The following CTNNBL1 variants were observed in gnomAD, a reference collection of about 807,000 sequenced individuals.
CTNNBL1 encodes beta-catenin-like protein 1.
In CTNNBL1, 31 loss-of-function variants were observed where a neutral mutation model predicts 72.7. The observed-to-expected ratio is 0.43, with a 90% CI of 0.32 to 0.58. The LOEUF is 0.58. Among genes scored for constraint, CTNNBL1 ranks in the 20% least tolerant of loss-of-function variants. The probability of loss-of-function intolerance (pLI) is 0.08; values close to 1 mark genes in which losing one functional copy is unlikely to be tolerated. For synonymous variants in CTNNBL1, 240 were observed against 267.3 expected (o/e 0.90, Z 1.00); for missense variants, 534 against 725.1 (o/e 0.74, Z 3.03).
At chr20:37,709,070 G>A (rs1239241684) in intron 1 of CTNNBL1, among the ~76,000 whole-genome samples, 1 of 152,106 alleles carries the variant, frequency 6.6e-6, no homozygotes, top group African/African-American at 2.4e-5. Context: ...CTGGGAGGTG[G>A]AGGGTGCAGT....
rs898682857 is a variant in CTNNBL1 at position 37,731,530 on chromosome 20, C to T, written c.31-1349C>T. Among the ~76,000 whole-genome samples the T allele has an allele frequency of 6.6e-5, 10 of 152,304 alleles. No individual in the cohort carries two copies. The East Asian group carries it at 1.2e-3, about 18-fold the overall frequency. On this transcript the variant is annotated intron_variant, in intron 1 of 15. Coordinates refer to ENST00000361383, the MANE Select transcript of CTNNBL1 (RefSeq NM_030877.5). ...GATTACAGGTGTGAGCCACCGCACCCGGCCTTACTGAAACTTATACTCTTT... is the reference window on the plus strand; with the variant it reads ...GATTACAGGTGTGAGCCACCGCACCTGGCCTTACTGAAACTTATACTCTTT...
intron 10 of CTNNBL1, among the ~76,000 whole-genome samples, chr20:37,797,878 T>G (rs137924344): frequency 5.3e-5 from 8 of 152,326 alleles, no homozygotes; most frequent in African/African-American, 1.9e-4. Flanking sequence ...ACGCCTGTCT[T>G]TGCATGTGCT....
At chr20:37,704,307 G>A (rs183393480) in intron 1 of CTNNBL1, among the ~76,000 whole-genome samples, 1 of 152,336 alleles carries the variant, frequency 6.6e-6, no homozygotes, top group African/African-American at 2.4e-5. Context: ...GACACAAGCA[G>A]CTCTACTGCT....
At chr20:37,782,198 G>T (rs151125164) in intron 10 of CTNNBL1, among the ~76,000 whole-genome samples, 1 of 152,242 alleles carries the variant, frequency 6.6e-6, no homozygotes, top group Non-Finnish European at 1.5e-5. Context: ...AAGCTCAAAG[G>T]CTAGTGAGGG....
chr20:37,768,333 C>T (rs1359581494), intron 7 of CTNNBL1, among the ~76,000 whole-genome samples: 1 of 152,312 alleles, frequency 6.6e-6, no homozygotes, highest in South Asian at 2.1e-4. Flanking sequence ...TTCCACTTCT[C>T]AGAGGCAGTC....
intron 10 of CTNNBL1, among the ~76,000 whole-genome samples, chr20:37,790,329 T>C (rs563688812): frequency 1.3e-5 from 2 of 152,304 alleles, no homozygotes; most frequent in South Asian, 4.2e-4. Flanking sequence ...TGTCATCCTT[T>C]ACATTTTTTA....
chr20:37,768,494 A>T (rs988525190), intron 7 of CTNNBL1, among the ~76,000 whole-genome samples: 1 of 152,218 alleles, frequency 6.6e-6, no homozygotes, highest in Admixed American at 6.5e-5. Flanking sequence ...CACTATGCTG[A>T]TGTACCAAAA....
intron 13 of CTNNBL1, among the ~76,000 whole-genome samples, chr20:37,843,716 A>G (rs1324548131): frequency 6.6e-6 from 1 of 152,242 alleles, no homozygotes; most frequent in Non-Finnish European, 1.5e-5. Flanking sequence ...GAGGGAAAAC[A>G]TGAAGCTTGA....
intron 11 of CTNNBL1, among the ~76,000 whole-genome samples, chr20:37,810,303 G>C (rs950218405): frequency 6.6e-6 from 1 of 152,198 alleles, no homozygotes; most frequent in African/African-American, 2.4e-5. Flanking sequence ...ATCGTGTGCA[G>C]AGAGAAAACA....
intron 11 of CTNNBL1, among the ~76,000 whole-genome samples, chr20:37,810,593 C>T (rs1487741788): frequency 6.6e-6 from 1 of 152,122 alleles, no homozygotes; most frequent in African/African-American, 2.4e-5. Flanking sequence ...CCAGACTTCA[C>T]ACTATAATAA....
chr20:37,722,643 TA>T (rs1182133160), intron 1 of CTNNBL1, among the ~76,000 whole-genome samples: 1 of 152,196 alleles, frequency 6.6e-6, no homozygotes, highest in Non-Finnish European at 1.5e-5. Flanking sequence ...CTTAGCTTAC[TA>T]AAGTAAAGTT....
At chr20:37,742,078 C>T (rs530171193) in intron 3 of CTNNBL1, among the ~76,000 whole-genome samples, 2 of 152,106 alleles carry the variant, frequency 1.3e-5, no homozygotes, top group African/African-American at 4.8e-5. Flanking sequence ...GCAGCTTTGA[C>T]TCTTAAAATT....
intron 11 of CTNNBL1, among the ~76,000 whole-genome samples, chr20:37,805,738 A>G (rs1023808276): frequency 2.0e-5 from 3 of 152,110 alleles, no homozygotes; most frequent in East Asian, 1.9e-4. Flanking sequence ...GAAGCATGTC[A>G]TGAACCCGTA....
At chr20:37,802,372 T>G (rs2073830095) in intron 10 of CTNNBL1, among the ~76,000 whole-genome samples, 1 of 152,316 alleles carries the variant, frequency 6.6e-6, no homozygotes, top group East Asian at 1.9e-4. Context: ...TAGGGGGTGT[T>G]AAGAGTATGT....
chr20:37,854,061 T>G (rs1236269382), intron 13 of CTNNBL1, among the ~76,000 whole-genome samples: 1 of 152,250 alleles, frequency 6.6e-6, no homozygotes, highest in Non-Finnish European at 1.5e-5. Context: ...GATCTACATT[T>G]GAAAATTTCA....
intron 1 of CTNNBL1, chr20:37,727,523 T>C (rs1300119907): frequency 5.9e-6 from 1 of 168,164 alleles, no homozygotes; most frequent in African/African-American, 2.4e-5. Context: ...TAGAAGATTG[T>C]AAAAACCCTT....
intron 15 of CTNNBL1, among the ~76,000 whole-genome samples, chr20:37,871,386 G>A (rs374735661): frequency 2.6e-5 from 4 of 152,102 alleles, no homozygotes; most frequent in African/African-American, 7.2e-5. Flanking sequence ...GAGGCGGGGG[G>A]TCCAAGAGCA....
At chr20:37,723,659 A>C (rs539226145) in intron 1 of CTNNBL1, among the ~76,000 whole-genome samples, 1 of 152,346 alleles carries the variant, frequency 6.6e-6, no homozygotes, top group Admixed American at 6.5e-5. Context: ...AAATATGATG[A>C]TGATAACACC....
intron 11 of CTNNBL1, among the ~76,000 whole-genome samples, chr20:37,815,467 G>A (rs4811149): frequency 0.36 from 53,875 of 151,752 alleles, 9,931 homozygotes; most frequent in Admixed American, 0.49. Flanking sequence ...ACAGGCATGC[G>A]CCACCATGCC....
Sources: allele counts gnomAD v4.1 joint callset (sites outside exome capture counted in the v4.1 genomes callset), GRCh38; gene constraint gnomAD v4.1.1; transcripts MANE v1.5; gene names NCBI Gene and HGNC (gene_info 2026-07-23, HGNC 2026-07-21).